PREX2: variants seen among roughly 807,000 people sequenced by gnomAD.
The protein encoded by PREX2 is phosphatidylinositol 3,4,5-trisphosphate-dependent Rac exchanger 2 protein.
In PREX2, 107 loss-of-function variants were observed where a neutral mutation model predicts 203.2. The observed-to-expected ratio is 0.53, with a 90% CI of 0.45 to 0.62. The LOEUF (loss-of-function observed/expected upper bound fraction) is 0.62. Ranked by LOEUF, PREX2 falls within the 20% of genes least tolerant of loss-of-function variation. The pLI is 0.00. For synonymous variants in PREX2, 672 were observed against 663.6 expected, an observed-to-expected ratio of 1.01 and a Z score of -0.19; for missense variants, 1,777 against 1,955.9, an observed-to-expected ratio of 0.91 and a Z score of 1.72.
chr8:68,144,173 G>T (rs999671868), intron 33 of PREX2, among the ~76,000 whole-genome samples: 1 of 151,920 alleles, frequency 6.6e-6, no homozygotes, highest in Non-Finnish European at 1.5e-5. Flanking sequence ...GGCTATTTTG[G>T]GTCTTTTGCC....
intron 1 of PREX2, among the ~76,000 whole-genome samples, chr8:67,967,003 G>A (rs1805796418): frequency 6.6e-6 from 1 of 152,236 alleles, no homozygotes; most frequent in Non-Finnish European, 1.5e-5. Context: ...AATAAGTGAA[G>A]CAGAGAAGAG....
At chr8:68,023,143 A>G (rs1045010159) in intron 4 of PREX2, among the ~76,000 whole-genome samples, 4 of 152,304 alleles carry the variant, frequency 2.6e-5, no homozygotes, top group South Asian at 4.1e-4. Context: ...TTGGGTAGAC[A>G]TTAAACGTGG....
intron 1 of PREX2, among the ~76,000 whole-genome samples, chr8:67,991,228 A>G (rs1212717358): frequency 6.6e-6 from 1 of 152,160 alleles, no homozygotes; most frequent in Admixed American, 6.5e-5. Flanking sequence ...AAGCTCATAC[A>G]ACTCTTAAGT....
chr8:68,025,683 A>G (rs923753326), intron 4 of PREX2, among the ~76,000 whole-genome samples: 6 of 151,892 alleles, frequency 4.0e-5, no homozygotes, highest in South Asian at 2.1e-4. Context: ...TCATTTTTCT[A>G]CAATCTCCTG....
rs1378488066 is a variant in PREX2 at position 67,952,408 on chromosome 8, G to C, written c.14G>C (p.Ser5Thr). 6.4e-7 allele frequency: 1 copy of C among 1,561,954 alleles called. No homozygotes were observed. The highest frequency in any genetic ancestry group is 1.2e-5 in the South Asian group (1 of 84,634). MSED[S>T]RGDSRAESAK... ...CCGCCGCCGACCATGAGCGAGGACA[G>C]CCGCGGAGACAGCCGCGCCGAGAGC... The change falls in exon 1 of 40, where the codon AGC (serine) becomes ACC (threonine). Residue 5 changes from serine to threonine, a missense_variant. Transcript: ENST00000288368.
intron 33 of PREX2, among the ~76,000 whole-genome samples, chr8:68,142,120 A>G (rs1213799679): frequency 2.6e-5 from 4 of 152,164 alleles, no homozygotes; most frequent in African/African-American, 9.7e-5. Flanking sequence ...GTGAACCTAT[A>G]TTAGCACATC....
At position 68,057,615 on chromosome 8, in the gene PREX2, A is replaced by G. The variant is rs561953781; in HGVS notation, c.1238+1641A>G. 4.6e-5 allele frequency among the ~76,000 whole-genome samples: 7 copies of G among 152,220 alleles called. No individual in the cohort carries two copies. The South Asian group carries it at 1.5e-3, about 32-fold the overall frequency. On this transcript the variant is annotated intron_variant, in intron 10 of 39. Transcript: ENST00000288368. ...CAAGGGAAAGAGAAGATGTGAGTTT[A>G]TCTTGGCAAAGAAGCCCTGTGCAGC...
At position 68,022,286 on chromosome 8, in the gene PREX2, A is replaced by G. The variant is rs913046396; in HGVS notation, c.441+146A>G. 1.1e-5 allele frequency: 6 copies of G among 569,800 alleles called. No individual in the cohort carries two copies. The African/African-American group carries it at 1.1e-4, about 11-fold the overall frequency. 35.3% of individuals were successfully genotyped at this position (569,800 alleles called of 1,614,324 possible). Reference sequence around the variant, plus strand: ...GAGGAAGCAAGAGTCCTTTGATGAAAATAAAAGTGAGAGCTGGGATCAGCT... The same window carrying G: ...GAGGAAGCAAGAGTCCTTTGATGAAGATAAAAGTGAGAGCTGGGATCAGCT... On this transcript the variant is annotated intron_variant, in intron 4 of 39. Coordinates refer to ENST00000288368, the MANE Select transcript of PREX2 (RefSeq NM_024870.4).
rs575678131 is a variant in PREX2, at chr8:68,044,935, C to A, written c.943+345C>A. Among the ~76,000 whole-genome samples the A allele has an allele frequency of 2.0e-5, 3 of 152,076 alleles. No homozygotes were observed. The East Asian group carries it at 5.8e-4, about 29-fold the overall frequency. ...TAGTTATACTGTTTTATAAGCATAT[C>A]AGTGATGTTTTGTTCCTATAATATA... On this transcript the variant is annotated intron_variant, in intron 8 of 39. Coordinates refer to ENST00000288368, the MANE Select transcript of PREX2 (RefSeq NM_024870.4).
At chr8:67,993,841 A>C (rs1199857497) in intron 1 of PREX2, among the ~76,000 whole-genome samples, 3 of 152,230 alleles carry the variant, frequency 2.0e-5, no homozygotes, top group Non-Finnish European at 2.9e-5. Context: ...CAATCTAATT[A>C]GGAAAAAAAT....
chr8:68,229,660 T>C (rs1214299099), intron 39 of PREX2, among the ~76,000 whole-genome samples: 1 of 152,158 alleles, frequency 6.6e-6, no homozygotes, highest in Non-Finnish European at 1.5e-5. Context: ...CCCAGTGCTA[T>C]TAGTTACATT....
chr8:68,036,429 T>A (rs1217357329), intron 6 of PREX2, among the ~76,000 whole-genome samples: 1 of 152,144 alleles, frequency 6.6e-6, no homozygotes, highest in Non-Finnish European at 1.5e-5. Flanking sequence ...TAAGATGATA[T>A]CTGCAGTAAC....
At chr8:67,953,412 T>G (rs575180446) in intron 1 of PREX2, among the ~76,000 whole-genome samples, 2 of 152,244 alleles carry the variant, frequency 1.3e-5, no homozygotes, top group South Asian at 4.2e-4. Flanking sequence ...AAAAGTTGAA[T>G]TTTTCCTATT....
intron 27 of PREX2, 66 bp from the exon 28 acceptor site, chr8:68,119,366 T>A: frequency 1.0e-6 from 1 of 953,382 alleles, no homozygotes; most frequent in Non-Finnish European, 1.7e-6. Flanking sequence ...TATTACAATA[T>A]TTTGGTACGT....
chr8:68,214,817 C>T (rs980533681), intron 37 of PREX2, among the ~76,000 whole-genome samples: 5 of 152,162 alleles, frequency 3.3e-5, no homozygotes, highest in African/African-American at 1.2e-4. Context: ...CTTGGTTGGA[C>T]CCATCAACCA....
intron 37 of PREX2, among the ~76,000 whole-genome samples, chr8:68,206,278 A>G (rs1812624058): frequency 6.6e-6 from 1 of 152,226 alleles, no homozygotes; most frequent in South Asian, 2.1e-4. Flanking sequence ...AGAGCAGCGT[A>G]TGTGAAAACA....
chr8:68,040,996 C>A (rs1195888300), intron 7 of PREX2, among the ~76,000 whole-genome samples: 2 of 152,120 alleles, frequency 1.3e-5, no homozygotes, highest in African/African-American at 2.4e-5. Flanking sequence ...TTTCCTTAAA[C>A]TCTTGGGAAA....
At chr8:68,219,400 A>G (rs764378692) in intron 38 of PREX2, among the ~76,000 whole-genome samples, 9 of 152,166 alleles carry the variant, frequency 5.9e-5, no homozygotes, top group Non-Finnish European at 8.8e-5. Context: ...TTTATATAGT[A>G]TTACTATATT....
At chr8:68,102,512 A>C (rs970423658) in intron 23 of PREX2, among the ~76,000 whole-genome samples, 1 of 152,226 alleles carries the variant, frequency 6.6e-6, no homozygotes, top group African/African-American at 2.4e-5. Flanking sequence ...GTCATGTAAG[A>C]TTAGCTCCAT....
Sources: gnomAD v4.1 joint callset for allele counts (sites outside exome capture counted in the v4.1 genomes callset) on GRCh38, gnomAD v4.1.1 for gene constraint, MANE v1.5 for transcripts, NCBI Gene and HGNC (gene_info 2026-07-23, HGNC 2026-07-21) for gene names.